The following PDE4D variants were observed in gnomAD, a reference collection of about 807,000 sequenced individuals.
PDE4D encodes the protein phosphodiesterase 4D.
In PDE4D, 24 loss-of-function variants were observed where a neutral mutation model predicts 87.4. That is an observed-to-expected ratio of 0.27 (90% CI 0.20 to 0.39). The LOEUF is 0.39. Ranked by LOEUF, PDE4D falls within the 10% of genes least tolerant of loss-of-function variation. The pLI, the probability that PDE4D is intolerant of heterozygous loss-of-function variation, is 1.00. For missense variants in PDE4D, 714 were observed against 1,041.0 expected (o/e 0.69, Z 4.32); for synonymous variants, 384 against 383.2 (o/e 1.00, Z -0.02).
At chr5:59,190,944 C>G (rs1370368084) in intron 3 of PDE4D, among the ~76,000 whole-genome samples, 2 of 152,124 alleles carry the variant, frequency 1.3e-5, no homozygotes, top group East Asian at 3.9e-4. Flanking sequence ...AAATCGGCAG[C>G]CTCTCAAGTA....
At chr5:60,414,210 T>C (rs1024341515) in intron 1 of PDE4D, among the ~76,000 whole-genome samples, 16 of 152,216 alleles carry the variant, frequency 1.1e-4, no homozygotes, top group South Asian at 2.1e-4. Context: ...ATACCAATTA[T>C]ATACCATTTC....
intron 1 of PDE4D, among the ~76,000 whole-genome samples, chr5:59,508,223 T>G (rs545628471): frequency 6.6e-6 from 1 of 152,118 alleles, no homozygotes; most frequent in Non-Finnish European, 1.5e-5. Flanking sequence ...TCACAGAAAG[T>G]CTTATACCCA....
At chr5:59,988,677 T>C in exon 3 of PDE4D, 1 of 1,598,554 alleles carries the variant, frequency 6.3e-7, no homozygotes, top group Non-Finnish European at 8.5e-7. Context: ...GCGGAAAGGG[T>C]CTTCCTCTTC....
intron 2 of PDE4D, among the ~76,000 whole-genome samples, chr5:60,176,614 T>C (rs1405341755): frequency 6.6e-6 from 1 of 152,196 alleles, no homozygotes; most frequent in African/African-American, 2.4e-5. Context: ...GGGGGTACTC[T>C]TGGCTGATAA....
At chr5:59,587,136 T>A in intron 1 of PDE4D, 1 of 348,846 alleles carries the variant, frequency 2.9e-6, no homozygotes, top group Non-Finnish European at 4.0e-6. Flanking sequence ...TTCTGCTGCC[T>A]AACCCCATAA....
At chr5:60,186,484 A>T (rs1265889187) in intron 1 of PDE4D, among the ~76,000 whole-genome samples, 4 of 152,204 alleles carry the variant, frequency 2.6e-5, no homozygotes, top group Non-Finnish European at 5.9e-5. Context: ...ATTCTGCTAC[A>T]TCAGGACACA....
chr5:59,212,863 T>C (rs1163764685), intron 2 of PDE4D, among the ~76,000 whole-genome samples: 1 of 151,950 alleles, frequency 6.6e-6, no homozygotes, highest in African/African-American at 2.4e-5. Context: ...ATGGGGCTGG[T>C]CAGTATTCTA....
At chr5:59,774,867 G>A (rs556090518) in intron 1 of PDE4D, among the ~76,000 whole-genome samples, 29 of 151,820 alleles carry the variant, frequency 1.9e-4, no homozygotes, top group African/African-American at 5.8e-4. Context: ...GCTAATTTTC[G>A]TGTTTTTAGT....
intron 1 of PDE4D, chr5:59,217,379 A>G: frequency 2.4e-6 from 1 of 424,448 alleles, no homozygotes; most frequent in South Asian, 1.7e-5. Context: ...TATTTTCTTT[A>G]TCGGAGTCAT....
At chr5:59,668,357 C>T (rs971985316) in intron 1 of PDE4D, among the ~76,000 whole-genome samples, 2 of 152,156 alleles carry the variant, frequency 1.3e-5, no homozygotes, top group African/African-American at 2.4e-5. Flanking sequence ...GCAGATGAGG[C>T]TTCCTCCTGG....
intron 2 of PDE4D, among the ~76,000 whole-genome samples, chr5:60,156,212 C>A (rs1277798026): frequency 6.6e-6 from 1 of 152,322 alleles, no homozygotes; most frequent in African/African-American, 2.4e-5. Flanking sequence ...CCAGGTAGCT[C>A]GGGCCTCGCT....
At chr5:59,582,576 T>G (rs925965543) in intron 1 of PDE4D, among the ~76,000 whole-genome samples, 6 of 152,220 alleles carry the variant, frequency 3.9e-5, no homozygotes, top group African/African-American at 1.4e-4. Flanking sequence ...ATTTATATCT[T>G]GCTTCATTCC....
At chr5:59,296,645 T>C (rs1769154067) in intron 1 of PDE4D, among the ~76,000 whole-genome samples, 1 of 152,148 alleles carries the variant, frequency 6.6e-6, no homozygotes. Flanking sequence ...TTATTCCTTA[T>C]TTTGCAGCTG....
At chr5:59,458,588 G>T (rs115677946) in intron 1 of PDE4D, among the ~76,000 whole-genome samples, 2,805 of 152,192 alleles carry the variant, frequency 0.018, 90 homozygotes, top group African/African-American at 0.065. Context: ...GAACTGCTTT[G>T]CATGTTAAAA....
chr5:59,632,015 T>A (rs1831640640), intron 1 of PDE4D, among the ~76,000 whole-genome samples: 1 of 152,192 alleles, frequency 6.6e-6, no homozygotes, highest in African/African-American at 2.4e-5. Flanking sequence ...GCTGCCAGTA[T>A]AGCAGCCTGA....
intron 2 of PDE4D, among the ~76,000 whole-genome samples, chr5:59,209,428 T>C (rs1749588827): frequency 6.6e-6 from 1 of 152,164 alleles, no homozygotes; most frequent in Admixed American, 6.6e-5. Context: ...TCAAGCCATC[T>C]GCCTGCCTTG....
At chr5:60,032,115 A>G (rs1767304335) in intron 2 of PDE4D, among the ~76,000 whole-genome samples, 1 of 152,176 alleles carries the variant, frequency 6.6e-6, no homozygotes, top group African/African-American at 2.4e-5. Flanking sequence ...ATAAAATCTT[A>G]GTAAAACTTC....
intron 1 of PDE4D, among the ~76,000 whole-genome samples, chr5:60,373,422 G>T (rs1304605601): frequency 6.6e-6 from 1 of 152,072 alleles, no homozygotes; most frequent in East Asian, 1.9e-4. Context: ...GACCTTGATG[G>T]GTTTTCTATT....
chr5:60,228,890 C>G (rs1278956757), intron 1 of PDE4D, among the ~76,000 whole-genome samples: 1 of 151,964 alleles, frequency 6.6e-6, no homozygotes, highest in African/African-American at 2.4e-5. Flanking sequence ...TGACTGCCAG[C>G]CACAAAACTA....
Sources: gnomAD v4.1 joint callset for allele counts (sites outside exome capture counted in the v4.1 genomes callset) on GRCh38, gnomAD v4.1.1 for gene constraint, MANE v1.5 for transcripts, NCBI Gene and HGNC (gene_info 2026-07-23, HGNC 2026-07-21) for gene names.